Variants in KLHL5 observed in about 807,000 individuals in gnomAD.
KLHL5 encodes kelch-like protein 5.
A neutral mutation model predicts 77.7 loss-of-function variants in KLHL5; 48 were observed. That is an observed-to-expected ratio of 0.62 (90% CI 0.49 to 0.79). The LOEUF (loss-of-function observed/expected upper bound fraction) is 0.79, where lower values mean the gene tolerates loss of function less well. KLHL5 is among the 30% of genes least tolerant of loss of function. KLHL5 has a pLI of 0.00. For missense variants in KLHL5, 723 were observed against 859.7 expected (o/e 0.84, Z 1.99); for synonymous variants, 260 against 297.0 (o/e 0.88, Z 1.28).
intron 1 of KLHL5, among the ~76,000 whole-genome samples, chr4:39,048,843 C>T (rs1447860251): frequency 2.6e-5 from 4 of 151,940 alleles, no homozygotes; most frequent in African/African-American, 9.7e-5. Flanking sequence ...GGGGTTTCAT[C>T]ATGTTGACCA....
chr4:39,123,012 T>C lies in KLHL5; in HGVS notation c.*1946T>C, dbSNP rs1334137223. Among the ~76,000 whole-genome samples, 3 of 152,168 alleles carry C rather than the reference T, an allele frequency of 2.0e-5. No individual in the cohort carries two copies. Among genetic ancestry groups the C allele is most frequent in the South Asian group, 4.1e-4 (2 of 4,832 alleles). Reference sequence around the variant, plus strand: ...ACATGTTTTGATTTAGAAAAGTAGATGCAATATAATATATTTCAAGTTTTA... The same window carrying C: ...ACATGTTTTGATTTAGAAAAGTAGACGCAATATAATATATTTCAAGTTTTA... On this transcript the variant is annotated 3_prime_UTR_variant, in exon 11 of 11. Transcript: ENST00000504108.
chr4:39,128,703 CT>C (rs1327056963), downstream of KLHL5, among the ~76,000 whole-genome samples: 1 of 152,206 alleles, frequency 6.6e-6, no homozygotes, highest in Admixed American at 6.5e-5. Flanking sequence ...TGGCTCACAC[CT>C]GTAATCCCAG....
intron 1 of KLHL5, among the ~76,000 whole-genome samples, chr4:39,048,638 CT>C (rs34713116): frequency 1.2e-3 from 92 of 79,140 alleles, no homozygotes; most frequent in African/African-American, 3.4e-3. Context: ...TTTACATTGG[CT>C]TTTTTTTTTT....
chr4:39,103,608 C>T (rs1431969497), intron 7 of KLHL5, 97 bp downstream of exon 7: 6 of 911,958 alleles, frequency 6.6e-6, no homozygotes, highest in Non-Finnish European at 1.0e-5. Flanking sequence ...GCAGCCACTG[C>T]GTCAGCAGCA....
intron 1 of KLHL5, among the ~76,000 whole-genome samples, chr4:39,051,524 A>G (rs1577623644): frequency 6.6e-6 from 1 of 152,212 alleles, no homozygotes; most frequent in African/African-American, 2.4e-5. Context: ...AAATTCAGAA[A>G]GCTTGTTTAC....
At chr4:39,051,058 A>T (rs1246651793) in intron 1 of KLHL5, among the ~76,000 whole-genome samples, 1 of 152,210 alleles carries the variant, frequency 6.6e-6, no homozygotes, top group Non-Finnish European at 1.5e-5. Flanking sequence ...CACATGTAAT[A>T]TACTACCTAG....
chr4:39,081,244 C>T lies in KLHL5; in HGVS notation c.703+5C>T, dbSNP rs761828128. The T allele has an allele frequency of 4.2e-5, 66 of 1,585,974 alleles. No homozygotes were observed. The highest frequency in any genetic ancestry group is 5.5e-5 in the African/African-American group (4 of 73,286). ...TGATCCAGTATGCTTATACAGGTAACGAGTCTGAAAATGTAAATTAAAACC... is the reference window on the plus strand; with the variant it reads ...TGATCCAGTATGCTTATACAGGTAATGAGTCTGAAAATGTAAATTAAAACC... On this transcript the variant is annotated splice_donor_5th_base_variant and intron_variant, in intron 3 of 10. Coordinates refer to ENST00000504108, the MANE Select transcript of KLHL5 (RefSeq NM_015990.5). This position sits in a 1 kb window ranked among gnomAD's most constrained non-coding sequence, Gnocchi z 4.3.
chr4:39,136,622 G>C, the KLHL5 span, among the ~76,000 whole-genome samples: 4 of 152,192 alleles, frequency 2.6e-5, no homozygotes, highest in Non-Finnish European at 4.4e-5. Flanking sequence ...CAGGGTCTCA[G>C]ACCCCCATCA....
chr4:39,068,517 G>T (rs1718114103), intron 1 of KLHL5, among the ~76,000 whole-genome samples: 1 of 151,696 alleles, frequency 6.6e-6, no homozygotes, highest in African/African-American at 2.4e-5. Flanking sequence ...AAGGCTATCT[G>T]TATGCTGCAT....
intron 6 of KLHL5, among the ~76,000 whole-genome samples, chr4:39,101,845 C>CA (rs139956032): frequency 0.055 from 5,827 of 105,096 alleles, 150 homozygotes; most frequent in Middle Eastern, 0.1. Flanking sequence ...CAGTCTGTCT[C>CA]AAAAAAAAAA....
At chr4:39,085,947 C>T (rs1473979757) in intron 4 of KLHL5, among the ~76,000 whole-genome samples, 3 of 152,060 alleles carry the variant, frequency 2.0e-5, no homozygotes, top group East Asian at 1.9e-4. Flanking sequence ...TCTTGAAGAC[C>T]GATTTGACTG....
At chr4:39,136,459 C>T in the KLHL5 span, among the ~76,000 whole-genome samples, 3 of 152,216 alleles carry the variant, frequency 2.0e-5, no homozygotes, top group Non-Finnish European at 4.4e-5. Flanking sequence ...CATACCCAGC[C>T]CCTTCCTTAA....
At chr4:39,076,301 T>C (rs1719031894) in intron 2 of KLHL5, among the ~76,000 whole-genome samples, 154 bp downstream of exon 2, 1 of 152,214 alleles carries the variant, frequency 6.6e-6, no homozygotes, top group African/African-American at 2.4e-5. Context: ...ATGAAATTAT[T>C]ACACATTTGG....
upstream of KLHL5, among the ~76,000 whole-genome samples, chr4:39,058,157 T>A (rs1717127465): frequency 6.6e-6 from 1 of 152,174 alleles, no homozygotes; most frequent in Non-Finnish European, 1.5e-5. Flanking sequence ...TAAAGCAAGG[T>A]TATAAAATTA....
the KLHL5 span, among the ~76,000 whole-genome samples, chr4:39,143,007 G>T: frequency 2.6e-5 from 4 of 151,998 alleles, no homozygotes; most frequent in African/African-American, 9.7e-5. Flanking sequence ...GTTATGCAAG[G>T]CTATGGATGT....
the KLHL5 span, among the ~76,000 whole-genome samples, chr4:39,136,005 CGTGTGTGTGT>C: frequency 1.4e-4 from 21 of 145,922 alleles, no homozygotes; most frequent in African/African-American, 5.1e-4. Flanking sequence ...CATTCTAACA[CGTGTGTGTGT>C]GTGTGTGTGT....
At chr4:39,116,045 C>T (rs1365569522) in intron 10 of KLHL5, 2 of 924,048 alleles carry the variant, frequency 2.2e-6, no homozygotes, top group African/African-American at 3.5e-5. Flanking sequence ...GAAAACAAAG[C>T]TTCTAGGCCA....
intron 1 of KLHL5, among the ~76,000 whole-genome samples, chr4:39,069,787 T>A (rs1230607925): frequency 6.6e-6 from 1 of 151,980 alleles, no homozygotes; most frequent in Non-Finnish European, 1.5e-5. Flanking sequence ...AGTTTTTAAA[T>A]TAGGACTCGT....
At chr4:39,082,400 A>G (rs1560421211) in intron 4 of KLHL5, among the ~76,000 whole-genome samples, 1 of 152,184 alleles carries the variant, frequency 6.6e-6, no homozygotes, top group Non-Finnish European at 1.5e-5. Flanking sequence ...ACAGTGGCCT[A>G]GGACTGTTCC....
Sources: allele counts gnomAD v4.1 joint callset (sites outside exome capture counted in the v4.1 genomes callset), GRCh38; gene constraint gnomAD v4.1.1; non-coding constraint Gnocchi (gnomAD v3.1); transcripts MANE v1.5; gene names NCBI Gene and HGNC (gene_info 2026-07-23, HGNC 2026-07-21).